OCIAD2: variants seen among roughly 807,000 people sequenced by gnomAD.
OCIAD2 encodes the protein OCIA domain containing 2.
A neutral mutation model predicts 22.9 loss-of-function variants in OCIAD2; 29 were observed. The ratio of observed to expected loss-of-function variants is 1.27; its 90% CI spans 0.94 to 1.73. The LOEUF is 1.73. Ranked by LOEUF, OCIAD2 falls within the 40% of genes most tolerant of loss-of-function variation. The pLI is 0.00. For synonymous variants in OCIAD2, 67 were observed against 60.2 expected (o/e 1.11, Z -0.52); for missense variants, 189 against 180.3 (o/e 1.05, Z -0.28).
In OCIAD2 at chr4:48,894,922, TG is replaced by T. The variant is rs573649926; in HGVS notation, c.218-870del. ...CCAAAAGGGGGATTAAGGTAGAAAA[TG>T]GAACTAATGTTGCTAATCAGATGAC... is the stretch of plus-strand genomic sequence containing the variant. On this transcript the variant is annotated intron_variant, in intron 4 of 6. Coordinates refer to ENST00000508632, the MANE Select transcript of OCIAD2 (RefSeq NM_001014446.3). Among the ~76,000 whole-genome samples the T allele has an allele frequency of 2.2e-3, 336 of 152,188 alleles. 2 individuals carry two copies. The highest frequency in any genetic ancestry group is 3.4e-3 in the Non-Finnish European group (228 of 68,006).
chr4:48,891,860 G>A (rs1468687998), intron 6 of OCIAD2, among the ~76,000 whole-genome samples: 1 of 152,196 alleles, frequency 6.6e-6, no homozygotes, highest in Non-Finnish European at 1.5e-5. Flanking sequence ...GATCTGAGGT[G>A]ACAGACCATT....
At chr4:48,904,303 A>C (rs572128823) in intron 2 of OCIAD2, among the ~76,000 whole-genome samples, 181 bp downstream of exon 2, 1 of 152,226 alleles carries the variant, frequency 6.6e-6, no homozygotes, top group South Asian at 2.1e-4. Context: ...AAAAAAAATT[A>C]GCCAGGCATG....
intron 4 of OCIAD2, among the ~76,000 whole-genome samples, chr4:48,896,769 T>C (rs1270199070): frequency 5.6e-5 from 2 of 35,514 alleles, no homozygotes; most frequent in Non-Finnish European, 1.4e-4. Flanking sequence ...CCTCGTCTCA[T>C]TTAAAAAAAA....
intron 6 of OCIAD2, among the ~76,000 whole-genome samples, chr4:48,886,828 G>T (rs1781002651): frequency 1.3e-5 from 2 of 152,258 alleles, no homozygotes; most frequent in Admixed American, 1.3e-4. Flanking sequence ...TATAGCAGCA[G>T]GCTTTATAAT....
chr4:48,897,759 CT>C, intron 4 of OCIAD2, 44 bp downstream of exon 4: 2 of 1,463,888 alleles, frequency 1.4e-6, no homozygotes, highest in Non-Finnish European at 1.9e-6. Context: ...TCACAGTAAA[CT>C]GGGCTCTCTG....
At chr4:48,900,531 A>G (rs1781393406) in intron 2 of OCIAD2, among the ~76,000 whole-genome samples, 1 of 151,906 alleles carries the variant, frequency 6.6e-6, no homozygotes, top group South Asian at 2.1e-4. Flanking sequence ...GCAACTATTG[A>G]CATGGTTGAC....
chr4:48,897,728 G>T, intron 4 of OCIAD2, 76 bp downstream of exon 4: 1 of 1,085,506 alleles, frequency 9.2e-7, no homozygotes, highest in Non-Finnish European at 1.4e-6. Flanking sequence ...AATGTCAAGG[G>T]CCAAAAAGCT....
chr4:48,889,912 AATACT>A (rs1781117349), intron 6 of OCIAD2, among the ~76,000 whole-genome samples: 1 of 152,216 alleles, frequency 6.6e-6, no homozygotes, highest in Non-Finnish European at 1.5e-5. Flanking sequence ...TACACCTTGG[AATACT>A]ATACAGCCAT....
Position 48,885,627 on chromosome 4 carries a change from C to T in OCIAD2, c.384-62G>A, listed in dbSNP as rs1332517905. ...TTGACACTGGAAGCCCTAGTCTTTA[C>T]ATAACATATTATTCTTATTATTTTA... On this transcript the variant is annotated intron_variant, in intron 6 of 6. Coordinates refer to ENST00000508632, the MANE Select transcript of OCIAD2 (RefSeq NM_001014446.3). 3.6e-6 allele frequency: 3 copies of T among 828,424 alleles called. No homozygotes were observed. The African/African-American group carries it at 5.1e-5, about 14-fold the overall frequency. The allele number at this position is 828,424 out of a possible 1,614,324, so 51.3% of individuals were successfully genotyped here.
chr4:48,889,988 C>A (rs1296914229), intron 6 of OCIAD2, among the ~76,000 whole-genome samples: 2 of 151,736 alleles, frequency 1.3e-5, no homozygotes, highest in Non-Finnish European at 2.9e-5. Context: ...CCATCATTCT[C>A]AGCAAACTAT....
At chr4:48,902,275 A>G (rs565295059) in intron 2 of OCIAD2, among the ~76,000 whole-genome samples, 1 of 152,196 alleles carries the variant, frequency 6.6e-6, no homozygotes, top group South Asian at 2.1e-4. Flanking sequence ...TTTCTGTGTA[A>G]TAGATGTCAA....
chr4:48,892,915 A>C, intron 5 of OCIAD2, 26 bp from the exon 6 acceptor site: 1 of 1,200,176 alleles, frequency 8.3e-7, no homozygotes, highest in South Asian at 1.4e-5. Flanking sequence ...GGGAGAGATT[A>C]GTTGAGAATC....
At chr4:48,889,186 C>T (rs778361990) in intron 6 of OCIAD2, among the ~76,000 whole-genome samples, 5 of 152,108 alleles carry the variant, frequency 3.3e-5, no homozygotes, top group Non-Finnish European at 7.4e-5. Flanking sequence ...GTGGTGATAT[C>T]CCCTTTATCA....
At chr4:48,887,926 G>T (rs1182922775) in intron 6 of OCIAD2, among the ~76,000 whole-genome samples, 1 of 152,232 alleles carries the variant, frequency 6.6e-6, no homozygotes, top group East Asian at 1.9e-4. Context: ...AATTACCTTG[G>T]GCAGTATGGC....
intron 4 of OCIAD2, among the ~76,000 whole-genome samples, chr4:48,897,478 G>A (rs1378390634): frequency 2.6e-5 from 4 of 152,040 alleles, no homozygotes; most frequent in Admixed American, 1.3e-4. Context: ...TTCAGATCCC[G>A]CCTTTCACTT....
intron 6 of OCIAD2, among the ~76,000 whole-genome samples, chr4:48,887,062 G>A (rs1185125985): frequency 3.3e-5 from 5 of 152,276 alleles, no homozygotes; most frequent in East Asian, 3.9e-4. Flanking sequence ...ATCTCATTGT[G>A]GTTTTGATTT....
intron 4 of OCIAD2, chr4:48,897,085 G>C (rs1282633709): frequency 1.3e-5 from 2 of 152,690 alleles, no homozygotes; most frequent in African/African-American, 4.8e-5. Context: ...CACAGCTTAG[G>C]GTGGATTTTA....
rs527746894 is a variant in OCIAD2 at position 48,904,491 on chromosome 4, C to T, written c.59G>A (p.Ser20Asn). 1.9e-6 allele frequency: 3 copies of T among 1,613,832 alleles called. No homozygotes were observed. The highest frequency in any genetic ancestry group is 2.2e-5 in the East Asian group (1 of 44,880). The part of the protein sequence containing the change: ...QDKDAHFPPP[S>N]KQSLLFCPKS... ...ATAAATATAAAAGTATACCTGCTTG[C>T]TTGGTGGTGGAAAATGGGCATCTTT... is the stretch of plus-strand genomic sequence containing the variant. Residue 20 changes from serine (S) to asparagine (N), a missense_variant, in exon 2 of 7, where the codon AGC (serine) becomes AAC (asparagine). Transcript: ENST00000508632.
intron 6 of OCIAD2, among the ~76,000 whole-genome samples, chr4:48,888,112 G>A (rs112433930): frequency 1.1e-4 from 17 of 152,324 alleles, no homozygotes; most frequent in Admixed American, 3.9e-4. Flanking sequence ...TGTGATGGGA[G>A]TTCACTCATG....
Sources: gnomAD v4.1 joint callset for allele counts (sites outside exome capture counted in the v4.1 genomes callset) on GRCh38, gnomAD v4.1.1 for gene constraint, MANE v1.5 for transcripts, NCBI Gene and HGNC (gene_info 2026-07-23, HGNC 2026-07-21) for gene names.